The following C6 variants were observed in gnomAD, a reference collection of about 807,000 sequenced individuals.
The protein encoded by C6 is complement component C6.
C6 carries 101 observed loss-of-function variants against 112.9 expected under a neutral mutation model. The observed-to-expected ratio is 0.89, with a 90% CI of 0.76 to 1.06. The LOEUF (loss-of-function observed/expected upper bound fraction) is 1.06, where lower values mean the gene tolerates loss of function less well. C6 is among the 50% of genes least tolerant of loss of function. C6 has a pLI of 0.00. For synonymous variants in C6, 431 were observed against 384.1 expected (o/e 1.12, Z -1.43); for missense variants, 1,202 against 1,104.6 (o/e 1.09, Z -1.25).
At chr5:41,173,509 A>G (rs72753978) in intron 8 of C6, among the ~76,000 whole-genome samples, 2,741 of 152,304 alleles carry the variant, frequency 0.018, 38 homozygotes, top group Non-Finnish European at 0.028. Context: ...CATCAAAACT[A>G]AAATCCAGCT....
Position 41,181,510 on chromosome 5 carries a change from G to C in C6, c.776C>G (p.Thr259Ser), listed in dbSNP as rs1749347845. ...TTGATTTTCATTGTGTCCAAGAGAAGTTAAATCCTTGTAGAAATCTGTTTT... is the reference window on the plus strand; with the variant it reads ...TTGATTTTCATTGTGTCCAAGAGAACTTAAATCCTTGTAGAAATCTGTTTT... ...DLKTDFYKDL[T>S]SLGHNENQQG... Residue 259 changes from threonine to serine, a missense_variant, in exon 7 of 18, where the codon ACT (threonine) becomes AGT (serine). By Grantham distance (58) the Thr-to-Ser change is moderately conservative. Transcript: ENST00000337836. 1 of 1,613,580 alleles carries C rather than the reference G, an allele frequency of 6.2e-7. No homozygotes were observed. Among genetic ancestry groups the C allele is most frequent in the African/African-American group, 1.3e-5 (1 of 74,914 alleles).
chr5:41,184,197 T>C (rs978115484), intron 6 of C6, among the ~76,000 whole-genome samples: 4 of 152,200 alleles, frequency 2.6e-5, no homozygotes, highest in Admixed American at 1.3e-4. Flanking sequence ...AAGTTAACAG[T>C]TGACTCTTGT....
chr5:41,206,518 G>A (rs1198708666), intron 1 of C6, among the ~76,000 whole-genome samples: 3 of 152,180 alleles, frequency 2.0e-5, no homozygotes, highest in Non-Finnish European at 4.4e-5. Context: ...AAACAGCATA[G>A]AGAAGACCTT....
In C6 at chr5:41,199,932, A is replaced by G; in HGVS notation, c.301-20T>C. 1 of 1,613,182 alleles carries G rather than the reference A, an allele frequency of 6.2e-7. No individual in the cohort carries two copies. The highest frequency in any genetic ancestry group is 1.3e-5 in the African/African-American group (1 of 75,012). ...TTTAGACTGAAAGGAAAGAAGAGAA[A>G]GATATAACTCTGAGGCAGGGTCAAG... On this transcript the variant is annotated intron_variant, in intron 3 of 17. Coordinates refer to ENST00000337836, the MANE Select transcript of C6 (RefSeq NM_000065.5).
intron 1 of C6, among the ~76,000 whole-genome samples, chr5:41,208,809 C>G (rs1168045999): frequency 6.6e-6 from 1 of 152,094 alleles, no homozygotes; most frequent in Non-Finnish European, 1.5e-5. Context: ...GGAGCTGGTA[C>G]CATTCCTTCT....
At chr5:41,178,893 A>T (rs1486270404) in intron 7 of C6, among the ~76,000 whole-genome samples, 1 of 151,862 alleles carries the variant, frequency 6.6e-6, no homozygotes, top group Non-Finnish European at 1.5e-5. Context: ...TTGCTCTGTC[A>T]CCCAGGCTGG....
intron 1 of C6, among the ~76,000 whole-genome samples, chr5:41,209,787 C>T (rs954668924): frequency 6.6e-6 from 1 of 152,192 alleles, no homozygotes; most frequent in Non-Finnish European, 1.5e-5. Flanking sequence ...AATGGCCATA[C>T]TGCTCAAGGT....
At chr5:41,162,686 A>G (rs1445626187) in intron 9 of C6, among the ~76,000 whole-genome samples, 2 of 152,178 alleles carry the variant, frequency 1.3e-5, no homozygotes, top group African/African-American at 2.4e-5. Flanking sequence ...TTTGGTGTCT[A>G]TCAGTAAGAA....
intron 1 of C6, among the ~76,000 whole-genome samples, chr5:41,245,814 A>C (rs1740988476): frequency 6.6e-6 from 1 of 152,168 alleles, no homozygotes; most frequent in Admixed American, 6.5e-5. Flanking sequence ...TTATCTTTTT[A>C]AACTACTGAA....
chr5:41,184,112 C>T (rs1749577319), intron 6 of C6, among the ~76,000 whole-genome samples: 1 of 150,908 alleles, frequency 6.6e-6, no homozygotes, highest in African/African-American at 2.4e-5. Context: ...CATATGTATT[C>T]CCTGAATCTA....
chr5:41,215,134 G>A (rs917572380), upstream of C6, among the ~76,000 whole-genome samples: 7 of 152,060 alleles, frequency 4.6e-5, no homozygotes, highest in East Asian at 5.8e-4. Context: ...CCTGATGCCC[G>A]TTTTTGTAAA....
At chr5:41,249,741 T>G (rs904424887) in intron 1 of C6, among the ~76,000 whole-genome samples, 2 of 152,072 alleles carry the variant, frequency 1.3e-5, no homozygotes, top group Non-Finnish European at 2.9e-5. Flanking sequence ...AAGCCAGGAG[T>G]CAGAACTGAA....
intron 15 of C6, among the ~76,000 whole-genome samples, chr5:41,152,020 G>A (rs867198160): frequency 6.6e-6 from 1 of 151,366 alleles, no homozygotes; most frequent in Admixed American, 6.6e-5. Flanking sequence ...AAAAAAAAAA[G>A]AAAGGAAGGA....
At chr5:41,260,072 G>A (rs1451786375) in intron 1 of C6, among the ~76,000 whole-genome samples, 1 of 152,172 alleles carries the variant, frequency 6.6e-6, no homozygotes, top group African/African-American at 2.4e-5. Flanking sequence ...TATGGATAAT[G>A]ATTTCTAGGT....
Position 41,257,808 on chromosome 5 carries a change from C to T in C6, c.-21+3386G>A, listed in dbSNP as rs1741811885. On this transcript the variant is annotated intron_variant, in intron 1 of 17. Transcript: ENST00000263413. ...CCCTCATGCTGAATTAGGAAGATTC[C>T]ACCGACATATTCCCTTTTTATTTTT... Among the ~76,000 whole-genome samples the T allele has an allele frequency of 1.3e-5, 2 of 152,082 alleles. 1 individual carries two copies. Among genetic ancestry groups the T allele is most frequent in the South Asian group, 4.2e-4 (2 of 4,816 alleles).
At chr5:41,145,200 GT>G (rs1290196739) in intron 17 of C6, among the ~76,000 whole-genome samples, 1 of 152,166 alleles carries the variant, frequency 6.6e-6, no homozygotes, top group African/African-American at 2.4e-5. Context: ...TTCCACAATG[GT>G]TGAACTAAAG....
At chr5:41,223,637 A>G (rs1265178671) in intron 1 of C6, among the ~76,000 whole-genome samples, 2 of 152,208 alleles carry the variant, frequency 1.3e-5, no homozygotes, top group Non-Finnish European at 2.9e-5. Flanking sequence ...CTGTTCTGTT[A>G]GGCTTAGATG....
intron 1 of C6, among the ~76,000 whole-genome samples, chr5:41,231,168 T>C (rs1450549771): frequency 6.6e-6 from 1 of 152,176 alleles, no homozygotes; most frequent in African/African-American, 2.4e-5. Context: ...ACTTAGCTAC[T>C]CTTTTAATTG....
At chr5:41,164,770 C>T (rs1433578762) in intron 9 of C6, among the ~76,000 whole-genome samples, 3 of 152,152 alleles carry the variant, frequency 2.0e-5, no homozygotes, top group Non-Finnish European at 4.4e-5. Flanking sequence ...AATTCCTCTA[C>T]ATTAACTCAG....
Sources: allele counts gnomAD v4.1 joint callset (sites outside exome capture counted in the v4.1 genomes callset), GRCh38; gene constraint gnomAD v4.1.1; transcripts MANE v1.5; gene names NCBI Gene and HGNC (gene_info 2026-07-23, HGNC 2026-07-21).